The following CUX2 variants were observed in gnomAD, a reference collection of about 807,000 sequenced individuals.
CUX2 encodes the protein homeobox protein cut-like 2.
CUX2 carries 40 observed loss-of-function variants against 144.8 expected under a neutral mutation model. The observed-to-expected ratio is 0.28, with a 90% CI of 0.21 to 0.36. CUX2 has a LOEUF of 0.36. CUX2 is among the 10% of genes least tolerant of loss of function. The probability of loss-of-function intolerance (pLI) is 1.00; values close to 1 mark genes in which losing one functional copy is unlikely to be tolerated. For synonymous variants in CUX2, 827 were observed against 875.6 expected (o/e 0.94, Z 0.98); for missense variants, 1,615 against 1,994.0 (o/e 0.81, Z 3.62).
Position 111,061,055 on chromosome 12 carries a change from TC to T in CUX2, c.63+26820del, listed in dbSNP as rs1217213552. Among the ~76,000 whole-genome samples, 2 of 151,938 alleles carry T rather than the reference TC, an allele frequency of 1.3e-5. No individual in the cohort carries two copies. On this transcript the variant is annotated intron_variant, in intron 1 of 21. Coordinates refer to ENST00000261726, the MANE Select transcript of CUX2 (RefSeq NM_015267.4). The surrounding 1 kb of genome is among the most constrained non-coding windows in gnomAD (Gnocchi z 4.2). ...ACCTCCAGCTGGCCCTGCTGCCCCC[TC>T]CCCCGCTTCCTTGGGGCTGTTCATG...
intron 1 of CUX2, among the ~76,000 whole-genome samples, chr12:111,213,076 G>T (rs181962228): frequency 1.3e-5 from 2 of 152,252 alleles, no homozygotes; most frequent in South Asian, 2.1e-4. Context: ...ATACACTCCC[G>T]CATCTGCGTG....
At position 111,320,247 on chromosome 12, in the gene CUX2, G is replaced by A; in HGVS notation, c.2238G>A (p.Lys746=). The change falls in exon 17 of 22, where the codon AAG becomes AAA. Residue 746 remains lysine, a synonymous_variant. Coordinates refer to ENST00000261726, the MANE Select transcript of CUX2 (RefSeq NM_015267.4). The surrounding 1 kb of genome is among the most constrained non-coding windows in gnomAD (Gnocchi z 8.1). ...ASQNGAPALV[K]QEEGSGGPAQ... ...AGAACGGGGCCCCGGCCTTGGTGAA[G>A]CAGGAGGAGGGCAGCGGGGGCCCCG... 3 of 1,584,264 alleles carry A rather than the reference G, an allele frequency of 1.9e-6. No homozygotes were observed. The highest frequency in any genetic ancestry group is 2.6e-6 in the Non-Finnish European group (3 of 1,172,998).
intron 18 of CUX2, among the ~76,000 whole-genome samples, chr12:111,329,986 C>G (rs1888017901): frequency 6.7e-6 from 1 of 149,438 alleles, no homozygotes. Flanking sequence ...CTGCTGCCGA[C>G]AGTGGGCAGA....
At chr12:111,119,920 TG>T (rs1874537041) in intron 1 of CUX2, among the ~76,000 whole-genome samples, 1 of 152,074 alleles carries the variant, frequency 6.6e-6, no homozygotes, top group Non-Finnish European at 1.5e-5. Flanking sequence ...TAGCCAGGCA[TG>T]GTGGCACGCG....
chr12:111,144,826 T>C (rs73413596), intron 1 of CUX2, among the ~76,000 whole-genome samples: 37,649 of 152,122 alleles, frequency 0.25, 10,015 homozygotes, highest in African/African-American at 0.67. Flanking sequence ...GATCTTTACC[T>C]GGAGGCCTGA....
intron 2 of CUX2, among the ~76,000 whole-genome samples, chr12:111,214,676 G>A (rs193171436): frequency 3.9e-5 from 6 of 152,186 alleles, no homozygotes; most frequent in Admixed American, 6.5e-5. Context: ...GAAGACAGCC[G>A]TCGACTCTCT....
In CUX2 at chr12:111,310,767, G is replaced by C. The variant is rs888679321; in HGVS notation, c.1900+85G>C. ...CTGGGGGCTGAGGACACGCGCTCTG[G>C]GTTCAAAGCCCAGCTCTACCACCAC... On this transcript the variant is annotated intron_variant, in intron 15 of 21. Coordinates refer to ENST00000261726, the MANE Select transcript of CUX2 (RefSeq NM_015267.4). The surrounding 1 kb of genome is among the most constrained non-coding windows in gnomAD (Gnocchi z 7.9). 1 of 1,437,488 alleles carries C rather than the reference G, an allele frequency of 7.0e-7. No individual in the cohort carries two copies. The highest frequency in any genetic ancestry group is 1.4e-5 in the African/African-American group (1 of 70,814). 89.0% of individuals were successfully genotyped at this position (1,437,488 alleles called of 1,614,324 possible).
chr12:111,271,365 A>C (rs982471081), intron 4 of CUX2, among the ~76,000 whole-genome samples: 5 of 152,208 alleles, frequency 3.3e-5, no homozygotes, highest in African/African-American at 1.2e-4. Context: ...ACTTTTTCAA[A>C]ACAGTTGCTG....
chr12:111,239,512 G>A (rs1387090268), intron 3 of CUX2, among the ~76,000 whole-genome samples: 9 of 152,236 alleles, frequency 5.9e-5, no homozygotes, highest in Admixed American at 4.6e-4. Flanking sequence ...ATGATACATC[G>A]ACAGGCAATA....
At chr12:111,214,171 CTCT>C (rs1881395159) in intron 1 of CUX2, 26 bp from the exon 2 acceptor site, 18 of 1,176,616 alleles carry the variant, frequency 1.5e-5, no homozygotes, top group South Asian at 7.7e-5. Flanking sequence ...TTCTCTCTCT[CTCT>C]TTTTTTTTTT....
intron 1 of CUX2, among the ~76,000 whole-genome samples, chr12:111,192,754 C>G (rs1168638782): frequency 1.2e-4 from 19 of 152,226 alleles, no homozygotes; most frequent in Admixed American, 5.2e-4. Flanking sequence ...TTTGCAAGAT[C>G]AAATTACTTT....
At chr12:111,076,764 A>C (rs1411579309) in intron 1 of CUX2, among the ~76,000 whole-genome samples, 1 of 152,184 alleles carries the variant, frequency 6.6e-6, no homozygotes, top group African/African-American at 2.4e-5. Flanking sequence ...TACGGGCCCC[A>C]AAATAATGCC....
intron 3 of CUX2, among the ~76,000 whole-genome samples, chr12:111,224,181 C>T (rs1222427281): frequency 4.6e-5 from 7 of 152,264 alleles, no homozygotes; most frequent in Admixed American, 1.3e-4. Context: ...TTCCCCCGTC[C>T]TCCCTGCCCC....
At chr12:111,144,006 T>G (rs1231951882) in intron 1 of CUX2, among the ~76,000 whole-genome samples, 1 of 152,182 alleles carries the variant, frequency 6.6e-6, no homozygotes, top group African/African-American at 2.4e-5. Flanking sequence ...CAAGAAGCCC[T>G]CCCTGACCAG....
intron 1 of CUX2, among the ~76,000 whole-genome samples, chr12:111,079,150 G>A (rs1256657980): frequency 6.6e-6 from 1 of 152,212 alleles, no homozygotes; most frequent in Non-Finnish European, 1.5e-5. Flanking sequence ...GGTGGCCTCA[G>A]ACAAATTGTC....
Position 111,348,615 on chromosome 12 carries a change from ACT to A in CUX2, c.*293_*294del. On this transcript the variant is annotated 3_prime_UTR_variant, in exon 22 of 22. Coordinates refer to ENST00000261726, the MANE Select transcript of CUX2 (RefSeq NM_015267.4). Reference sequence around the variant, plus strand: ...CCACATATTCACCTGAAAACTCCAAACTCTTTTAGAAAAATAAATAAATATTT... The same window carrying A: ...CCACATATTCACCTGAAAACTCCAAACTTTTAGAAAAATAAATAAATATTT... The A allele has an allele frequency of 3.1e-6, 1 of 324,810 alleles. No individual in the cohort carries two copies. The allele number at this position is 324,810 out of a possible 1,614,324, so 20.1% of individuals were successfully genotyped here. A position where few individuals can be genotyped will look rare whatever the true frequency, so the allele number is the denominator to read the frequency against.
chr12:111,170,061 G>A (rs73415917), intron 1 of CUX2, among the ~76,000 whole-genome samples: 2,439 of 152,286 alleles, frequency 0.016, 59 homozygotes, highest in African/African-American at 0.055. Flanking sequence ...TCCAAGAATT[G>A]GGGTGCCAAC....
At chr12:111,206,996 G>A (rs3809292) in intron 1 of CUX2, among the ~76,000 whole-genome samples, 33,320 of 152,062 alleles carry the variant, frequency 0.22, 4,969 homozygotes, top group East Asian at 0.58. Context: ...ATGTCTGGAT[G>A]AATGGATAAA....
rs1003800385 is a variant in CUX2 at position 111,035,034 on chromosome 12, C to T, written c.63+794C>T. 2.0e-5 allele frequency among the ~76,000 whole-genome samples: 3 copies of T among 152,072 alleles called. No homozygotes were observed. Among genetic ancestry groups the T allele is most frequent in the African/African-American group, 7.2e-5 (3 of 41,408 alleles). ...GACGGGCGGTGGAGGTGGGCCCGGG[C>T]GCTCGCAAGTTTGCGCTCCTGCCTC... On this transcript the variant is annotated intron_variant, in intron 1 of 21. Coordinates refer to ENST00000261726, the MANE Select transcript of CUX2 (RefSeq NM_015267.4). This position sits in a 1 kb window ranked among gnomAD's most constrained non-coding sequence, Gnocchi z 6.0.
Sources: gnomAD v4.1 joint callset for allele counts (sites outside exome capture counted in the v4.1 genomes callset) on GRCh38, gnomAD v4.1.1 for gene constraint, Gnocchi (gnomAD v3.1) non-coding constraint, MANE v1.5 for transcripts, NCBI Gene and HGNC (gene_info 2026-07-23, HGNC 2026-07-21) for gene names.